The following LRRC36 variants were observed in gnomAD, a reference collection of about 807,000 sequenced individuals.
LRRC36 encodes leucine rich repeat containing 36.
A neutral mutation model predicts 81.1 loss-of-function variants in LRRC36; 62 were observed. That is an observed-to-expected ratio of 0.76 (90% CI 0.62 to 0.94). LRRC36 has a LOEUF of 0.94. Ranked by LOEUF, LRRC36 falls within the 40% of genes least tolerant of loss-of-function variation. The pLI is 0.00. For synonymous variants in LRRC36, 334 were observed against 348.6 expected (o/e 0.96, Z 0.47); for missense variants, 761 against 881.7 (o/e 0.86, Z 1.73).
chr16:67,367,330 C>G lies in LRRC36; in HGVS notation c.1068C>G (p.Asn356Lys), dbSNP rs750836132. Residue 356 changes from asparagine (N) to lysine (K), a missense_variant, in exon 8 of 14, where the codon AAC becomes AAG. Transcript: ENST00000329956. ...SLGKRPQRSK[N>K]YQEYSIKPSN... Reference sequence around the variant, plus strand: ...GTAAAAGGCCTCAGAGAAGCAAGAACTATCAAGAGTATAGCATAAAGCCTT... The same window carrying G: ...GTAAAAGGCCTCAGAGAAGCAAGAAGTATCAAGAGTATAGCATAAAGCCTT... The G allele has an allele frequency of 4.3e-6, 7 of 1,614,132 alleles. No homozygotes were observed. Among genetic ancestry groups the G allele is most frequent in the Middle Eastern group, 1.6e-4 (1 of 6,062 alleles).
intron 5 of LRRC36, among the ~76,000 whole-genome samples, chr16:67,352,607 C>A (rs1226788750): frequency 6.6e-6 from 1 of 151,562 alleles, no homozygotes; most frequent in Non-Finnish European, 1.5e-5. Context: ...TTGATCTCAT[C>A]TATTTTACGG....
chr16:67,357,527 A>G (rs2038955555), intron 5 of LRRC36, among the ~76,000 whole-genome samples: 1 of 152,136 alleles, frequency 6.6e-6, no homozygotes, highest in Admixed American at 6.5e-5. Flanking sequence ...GAAGGGGAGG[A>G]AAGAGGGTTA....
At position 67,375,254 on chromosome 16, in the gene LRRC36, C is replaced by G. The variant is rs200059387; in HGVS notation, c.1502C>G (p.Ser501Cys). 210 of 1,611,302 alleles carry G rather than the reference C, an allele frequency of 1.3e-4. No individual in the cohort carries two copies. The highest frequency in any genetic ancestry group is 1.6e-4 in the Non-Finnish European group (188 of 1,179,674). Reference protein sequence around the residue: ...FQDATGSEPLSSDLGSLHGLA... With the variant: ...FQDATGSEPLCSDLGSLHGLA... Reference sequence around the variant, plus strand: ...TTTTTTTTTTCTCTTGAGCCTCTCTCTAGTGACCTGGGTAGTTTGCACGGT... The same window carrying G: ...TTTTTTTTTTCTCTTGAGCCTCTCTGTAGTGACCTGGGTAGTTTGCACGGT... Residue 501 changes from serine to cysteine, a missense_variant, in exon 10 of 14, where the codon TCT becomes TGT. Physicochemically the swap from Ser to Cys is moderately radical, Grantham distance 112. Transcript: ENST00000329956.
chr16:67,363,804 A>G, intron 6 of LRRC36, 90 bp downstream of exon 6: 1 of 1,451,770 alleles, frequency 6.9e-7, no homozygotes, highest in South Asian at 1.2e-5. Flanking sequence ...TGAAGGTCTC[A>G]GAGGACTTGT....
At chr16:67,360,179 T>C (rs1158104490) in intron 5 of LRRC36, among the ~76,000 whole-genome samples, 1 of 151,516 alleles carries the variant, frequency 6.6e-6, no homozygotes, top group African/African-American at 2.4e-5. Context: ...GTGCAGGTAC[T>C]CATTGGGGGC....
At chr16:67,349,024 A>G (rs13336444) in intron 4 of LRRC36, among the ~76,000 whole-genome samples, 13,532 of 152,138 alleles carry the variant, frequency 0.089, 1,979 homozygotes, top group African/African-American at 0.31. Flanking sequence ...GTTACTTTGC[A>G]TGGAATAGTC....
At chr16:67,338,918 A>G in intron 1 of LRRC36, among the ~76,000 whole-genome samples, 1 of 94,372 alleles carries the variant, frequency 1.1e-5, no homozygotes, top group Non-Finnish European at 1.9e-5. Flanking sequence ...TTTTAGGGAC[A>G]GAGTCTCGCT....
intron 1 of LRRC36, among the ~76,000 whole-genome samples, chr16:67,337,692 C>A (rs1241511270): frequency 1.3e-5 from 2 of 152,076 alleles, no homozygotes; most frequent in Non-Finnish European, 2.9e-5. Context: ...TCTGTCTTCT[C>A]TGTATTCAAT....
chr16:67,331,069 A>G (rs375523723), intron 1 of LRRC36, among the ~76,000 whole-genome samples: 41 of 118,628 alleles, frequency 3.5e-4, no homozygotes, highest in African/African-American at 1.2e-3. Flanking sequence ...GTGAGAGAGA[A>G]AGAGAGAGAG....
intron 2 of LRRC36, among the ~76,000 whole-genome samples, chr16:67,343,890 C>T (rs1007733014): frequency 2.0e-5 from 3 of 151,806 alleles, no homozygotes; most frequent in African/African-American, 4.8e-5. Flanking sequence ...GATCTTGGCT[C>T]ACTGCAACCT....
chr16:67,376,706 C>T, intron 10 of LRRC36, 21 bp from the exon 11 acceptor site: 1 of 1,605,516 alleles, frequency 6.2e-7, no homozygotes, highest in Non-Finnish European at 8.5e-7. Context: ...GGCCTGTGTG[C>T]CCATCCTGAA....
chr16:67,380,502 A>T (rs1027957468), intron 12 of LRRC36, among the ~76,000 whole-genome samples: 1 of 152,190 alleles, frequency 6.6e-6, no homozygotes, highest in African/African-American at 2.4e-5. Context: ...CTAGCTTAGC[A>T]CCCCTAAGCA....
At chr16:67,353,280 G>A (rs1396404051) in intron 5 of LRRC36, among the ~76,000 whole-genome samples, 2 of 152,184 alleles carry the variant, frequency 1.3e-5, no homozygotes, top group East Asian at 1.9e-4. Context: ...TCATGTTGGG[G>A]TTTGATGCTG....
chr16:67,358,494 AT>A lies in LRRC36; in HGVS notation c.578-5079del, dbSNP rs112646894. 8.8e-3 allele frequency among the ~76,000 whole-genome samples: 1,183 copies of A among 134,442 alleles called. 4 individuals are homozygous for A. The highest frequency in any genetic ancestry group is 0.04 in the South Asian group (166 of 4,106). The allele number at this position is 134,442 out of a possible 152,430, so 88.2% of individuals were successfully genotyped here. A position where few individuals can be genotyped will look rare whatever the true frequency, so the allele number is the denominator to read the frequency against. ...AGGGACTACAGGCATGTCGCCACTA[AT>A]TTTTTTTTTTTTTTTTGCACCCAGC... is the stretch of plus-strand genomic sequence containing the variant. On this transcript the variant is annotated intron_variant, in intron 5 of 13. Transcript: ENST00000329956.
chr16:67,330,862 C>CTAAA (rs370088844), intron 1 of LRRC36, among the ~76,000 whole-genome samples: 5,445 of 151,748 alleles, frequency 0.036, 127 homozygotes, highest in Non-Finnish European at 0.052. Flanking sequence ...GAGACTCAGT[C>CTAAA]TAAATAAATA....
chr16:67,345,418 A>G (rs2038297837), intron 2 of LRRC36, among the ~76,000 whole-genome samples: 1 of 152,192 alleles, frequency 6.6e-6, no homozygotes, highest in Admixed American at 6.5e-5. Flanking sequence ...ATACATAAAG[A>G]TGAAATCTTT....
At chr16:67,337,815 G>A (rs1224128721) in intron 1 of LRRC36, among the ~76,000 whole-genome samples, 1 of 151,856 alleles carries the variant, frequency 6.6e-6, no homozygotes, top group Non-Finnish European at 1.5e-5. Flanking sequence ...AAATTATTGA[G>A]GGCTGGGCGT....
At chr16:67,359,811 A>G (rs2039063387) in intron 5 of LRRC36, among the ~76,000 whole-genome samples, 1 of 152,128 alleles carries the variant, frequency 6.6e-6, no homozygotes, top group African/African-American at 2.4e-5. Flanking sequence ...AAGTGAAGAT[A>G]ATGAGTTTGG....
Position 67,371,095 on chromosome 16 carries a change from A to G in LRRC36, c.1347A>G (p.Thr449=). 2 of 1,614,224 alleles carry G rather than the reference A, an allele frequency of 1.2e-6. No individual in the cohort carries two copies. Among genetic ancestry groups the G allele is most frequent in the Non-Finnish European group, 1.7e-6 (2 of 1,180,034 alleles). ...GAAACAGGACAACTCCTCTGCGGAC[A>G]CTGCTGTTGTCTCCTGGGACTTCAG... is the stretch of plus-strand genomic sequence containing the variant. ...VLGNRTTPLR[T]LLLSPGTSEH... The change falls in exon 9 of 14, where the codon ACA becomes ACG. Residue 449 remains threonine, a synonymous_variant. Transcript: ENST00000329956.
Sources: allele counts gnomAD v4.1 joint callset (sites outside exome capture counted in the v4.1 genomes callset), GRCh38; gene constraint gnomAD v4.1.1; transcripts MANE v1.5; gene names NCBI Gene and HGNC (gene_info 2026-07-23, HGNC 2026-07-21).